The following EARS2 variants were observed in gnomAD, a reference collection of about 807,000 sequenced individuals.
The protein encoded by EARS2 is nondiscriminating glutamyl-tRNA synthetase EARS2, mitochondrial.
In EARS2, 50 loss-of-function variants were observed where a neutral mutation model predicts 54.1. That is an observed-to-expected ratio of 0.92 (90% confidence interval 0.74 to 1.17). The LOEUF is 1.17. EARS2 is among the 50% of genes most tolerant of loss of function. The pLI, the probability that EARS2 is intolerant of heterozygous loss-of-function variation, is 0.00. For missense variants in EARS2, 673 were observed against 675.0 expected, an observed-to-expected ratio of 1.00 and a Z score of 0.03; for synonymous variants, 298 against 281.0, an observed-to-expected ratio of 1.06 and a Z score of -0.61.
chr16:23,529,547 T>C lies in EARS2; in HGVS notation c.1307A>G (p.Asp436Gly). The change falls in exon 7 of 9, where the codon GAC becomes GGC. Residue 436 changes from aspartate (D) to glycine (G), a missense_variant. Asp to Gly is a moderately conservative substitution (Grantham distance 94). Around this residue, in one of 3 missense-constraint regions of EARS2, gnomAD observed 338 missense variants for 361.2 expected, o/e 0.94. Transcript: ENST00000449606. The part of the protein sequence containing the change: ...TRPAVGRAQL[D>G]AISEKVDVIA... ...CACATCCACCTTCTCCGAGATGGCG[T>C]CCAGCTGTGCTCGACCTACTGCAGG... 1 of 1,614,090 alleles carries C rather than the reference T, an allele frequency of 6.2e-7. No individual in the cohort carries two copies. The highest frequency in any genetic ancestry group is 8.5e-7 in the Non-Finnish European group (1 of 1,180,012).
At chr16:23,547,344 G>A (rs1427361144) in intron 2 of EARS2, among the ~76,000 whole-genome samples, 1 of 152,206 alleles carries the variant, frequency 6.6e-6, no homozygotes, top group Non-Finnish European at 1.5e-5. Flanking sequence ...GGTGGTAGGA[G>A]AGGGTAGAAT....
At position 23,529,565 on chromosome 16, in the gene EARS2, A is replaced by C; in HGVS notation, c.1289T>G (p.Val430Gly). The stretch of plus-strand genomic sequence containing the variant: ...GATGGCGTCCAGCTGTGCTCGACCT[A>C]CTGCAGGGCGAGTCCACAGGTAAGA... Reference protein sequence around the residue: ...VYSYLWTRPAVGRAQLDAISE... With the variant: ...VYSYLWTRPAGGRAQLDAISE... The change falls in exon 7 of 9, where the codon GTA (valine) becomes GGA (glycine). Residue 430 changes from valine to glycine, a missense_variant. Around this residue, in one of 3 missense-constraint regions of EARS2, gnomAD observed 338 missense variants for 361.2 expected, o/e 0.94. Coordinates refer to ENST00000449606, the MANE Select transcript of EARS2 (RefSeq NM_001083614.2). 1 of 1,614,092 alleles carries C rather than the reference A, an allele frequency of 6.2e-7. No homozygotes were observed. The highest frequency in any genetic ancestry group is 8.5e-7 in the Non-Finnish European group (1 of 1,180,006).
chr16:23,532,799 C>G, intron 4 of EARS2, 34 bp from the exon 5 acceptor site: 1 of 1,472,868 alleles, frequency 6.8e-7, no homozygotes, highest in Non-Finnish European at 9.5e-7. Flanking sequence ...ACTCAGCTTC[C>G]TCTCTCCCTT....
rs540650733 is a variant in EARS2, at chr16:23,537,971, T to G, written c.486-2611A>C. Among the ~76,000 whole-genome samples, 4 of 150,768 alleles carry G rather than the reference T, an allele frequency of 2.7e-5. No individual in the cohort carries two copies. The South Asian group carries it at 8.4e-4, about 32-fold the overall frequency. On this transcript the variant is annotated intron_variant, in intron 3 of 8. Coordinates refer to ENST00000449606, the MANE Select transcript of EARS2 (RefSeq NM_001083614.2). ...ACCATGCCTGGCTAATTTTTGTATT[T>G]TTTTTAGTAGAAATGGGGGCTCACC...
intron 5 of EARS2, among the ~76,000 whole-genome samples, chr16:23,532,266 G>A (rs1370560421): frequency 1.3e-5 from 2 of 152,226 alleles, no homozygotes; most frequent in African/African-American, 2.4e-5. Flanking sequence ...TTGGCTGGAT[G>A]TAAGGCTGAG....
intron 7 of EARS2, 141 bp from the exon 8 acceptor site, chr16:23,525,520 G>C (rs1965212745): frequency 3.1e-6 from 3 of 977,292 alleles, no homozygotes; most frequent in Non-Finnish European, 4.5e-6. Flanking sequence ...AGGTGAGGAA[G>C]ATATTGACCA....
In EARS2 at chr16:23,534,778, C is replaced by T. The variant is rs1174660995; in HGVS notation, c.958+110G>A. On this transcript the variant is annotated intron_variant, in intron 4 of 8. Coordinates refer to ENST00000449606, the MANE Select transcript of EARS2 (RefSeq NM_001083614.2). ...AAAGAATAAACTTGTCCAAGGTCAC[C>T]TGGCTGGTAGGTGGCAAAGCTGGGA... The T allele has an allele frequency of 1.4e-5, 13 of 926,240 alleles. No homozygotes were observed. In the Admixed American group the frequency reaches 2.0e-4, roughly 15 times the overall value. 57.4% of individuals were successfully genotyped at this position (926,240 alleles called of 1,614,324 possible). A position where few individuals can be genotyped will look rare whatever the true frequency, so the allele number is the denominator to read the frequency against.
intron 2 of EARS2, among the ~76,000 whole-genome samples, chr16:23,548,957 C>T (rs1488833814): frequency 6.6e-6 from 1 of 152,204 alleles, no homozygotes; most frequent in Non-Finnish European, 1.5e-5. Flanking sequence ...TCCCCTCTCG[C>T]AGTGGAGAGT....
At chr16:23,555,770 CCT>C (rs1357511915) in intron 1 of EARS2, among the ~76,000 whole-genome samples, 1 of 152,190 alleles carries the variant, frequency 6.6e-6, no homozygotes, top group African/African-American at 2.4e-5. Context: ...CTCACTGCAA[CCT>C]CTTTCTCCTG....
intron 1 of EARS2, among the ~76,000 whole-genome samples, chr16:23,553,801 CAGG>C (rs1454220844): frequency 3.3e-5 from 5 of 151,232 alleles, no homozygotes; most frequent in Non-Finnish European, 7.4e-5. Context: ...GAGGTTGAGG[CAGG>C]AGAACTGCTT....
At chr16:23,536,830 C>T (rs1317137618) in intron 3 of EARS2, among the ~76,000 whole-genome samples, 1 of 151,704 alleles carries the variant, frequency 6.6e-6, no homozygotes, top group Non-Finnish European at 1.5e-5. Flanking sequence ...TTACAGGTGC[C>T]TGCCACCACA....
intron 3 of EARS2, among the ~76,000 whole-genome samples, chr16:23,536,513 T>C (rs1485618236): frequency 6.6e-6 from 1 of 151,708 alleles, no homozygotes; most frequent in Non-Finnish European, 1.5e-5. Flanking sequence ...CAAAACAAAA[T>C]CAGCCAGGTG....
At chr16:23,557,141 A>C in intron 1 of EARS2, 64 bp downstream of exon 1, 1 of 1,491,460 alleles carries the variant, frequency 6.7e-7, no homozygotes, top group Non-Finnish European at 8.8e-7. Context: ...TCATTCGGGA[A>C]CATTCGTGGG....
intron 2 of EARS2, 96 bp downstream of exon 2, chr16:23,552,053 C>T (rs2142195294): frequency 6.8e-7 from 1 of 1,473,332 alleles, no homozygotes; most frequent in South Asian, 1.3e-5. Context: ...AGGAACTCCC[C>T]ATTTTCCACT....
chr16:23,543,246 C>T (rs1338238655), intron 3 of EARS2, among the ~76,000 whole-genome samples: 1 of 151,460 alleles, frequency 6.6e-6, no homozygotes, highest in East Asian at 1.9e-4. Flanking sequence ...TAGTGAGATC[C>T]CCATCTTTAT....
rs764852114 is a variant in EARS2 at position 23,525,366 on chromosome 16, A to C, written c.1366T>G (p.Ser456Ala). Reference protein sequence around the residue: ...AKRVLGLLERSSMSLTQDMLN... With the variant: ...AKRVLGLLERASMSLTQDMLN... The stretch of plus-strand genomic sequence containing the variant: ...ATATCCTGAGTTAAGCTCATACTAG[A>C]TCTTTCTAGAAGCCTAGAAGAAGAG... The change falls in exon 8 of 9, where the codon TCT (serine) becomes GCT (alanine). Residue 456 changes from serine (S) to alanine (A), a missense_variant. Physicochemically the swap from Ser to Ala is moderately conservative, Grantham distance 99 (BLOSUM62 1). Coordinates refer to ENST00000449606, the MANE Select transcript of EARS2 (RefSeq NM_001083614.2). 3.1e-6 allele frequency: 5 copies of C among 1,613,064 alleles called. No homozygotes were observed. The African/African-American group carries it at 6.7e-5, about 22-fold the overall frequency.
At position 23,544,609 on chromosome 16, in the gene EARS2, C is replaced by T. The variant is rs754020113; in HGVS notation, c.390G>A (p.Ala130=). Residue 130 remains alanine (A), a synonymous_variant, in exon 3 of 9, where the codon GCG becomes GCA. Transcript: ENST00000449606. ...RLELYAQATE[A]LLKTGAAYPC... ...GGTAAGCAGCTCCGGTCTTCAGCAG[C>T]GCTTCTGTGGCCTGGGCATACAGCT... 7.4e-6 allele frequency: 12 copies of T among 1,613,494 alleles called. No individual in the cohort carries two copies. Among genetic ancestry groups the T allele is most frequent in the Admixed American group, 1.7e-5 (1 of 59,924 alleles).
chr16:23,534,121 C>CTAT (rs1965373220), intron 4 of EARS2, among the ~76,000 whole-genome samples: 1 of 152,156 alleles, frequency 6.6e-6, no homozygotes, highest in African/African-American at 2.4e-5. Flanking sequence ...AGCTCAGTCC[C>CTAT]ATACGGTCAG....
intron 2 of EARS2, among the ~76,000 whole-genome samples, chr16:23,547,593 C>T (rs1965625187): frequency 6.6e-6 from 1 of 152,128 alleles, no homozygotes; most frequent in Non-Finnish European, 1.5e-5. Flanking sequence ...GCAACCTCCA[C>T]CTCCCGGTTC....
Sources: gnomAD v4.1 joint callset for allele counts (sites outside exome capture counted in the v4.1 genomes callset) on GRCh38, gnomAD v4.1.1 for gene constraint, gnomAD v4.1.1 regional missense constraint, MANE v1.5 for transcripts, NCBI Gene and HGNC (gene_info 2026-07-23, HGNC 2026-07-21) for gene names.